The following CCBE1 variants were observed in gnomAD, a reference collection of about 807,000 sequenced individuals.
The protein encoded by CCBE1 is collagen and calcium binding EGF domains 1.
Under a neutral mutation model 50.0 loss-of-function variants are expected in CCBE1, and 37 were observed. That is an observed-to-expected ratio of 0.74 (90% CI 0.57 to 0.97). CCBE1 has a LOEUF of 0.97. Ranked by LOEUF, CCBE1 falls within the 50% of genes least tolerant of loss-of-function variation. The probability of loss-of-function intolerance (pLI) is 0.00; values close to 1 mark genes in which losing one functional copy is unlikely to be tolerated. For missense variants in CCBE1, 538 were observed against 523.8 expected (o/e 1.03, Z -0.26); for synonymous variants, 234 against 203.7 (o/e 1.15, Z -1.27).
At chr18:59,584,192 C>T (rs2053139276) in intron 2 of CCBE1, among the ~76,000 whole-genome samples, 1 of 152,034 alleles carries the variant, frequency 6.6e-6, no homozygotes, top group Non-Finnish European at 1.5e-5. Flanking sequence ...GAGTTCATGT[C>T]CTTTGTAGGG....
chr18:59,498,358 C>T (rs563138550), intron 2 of CCBE1, among the ~76,000 whole-genome samples: 11 of 152,096 alleles, frequency 7.2e-5, no homozygotes, highest in South Asian at 2.1e-4. Context: ...TCAGAGTTTC[C>T]GTGAGTGTGT....
At chr18:59,571,728 TATA>T (rs1184499797) in intron 2 of CCBE1, among the ~76,000 whole-genome samples, 2 of 152,218 alleles carry the variant, frequency 1.3e-5, no homozygotes, top group South Asian at 2.1e-4. Context: ...ATGGAGGGCT[TATA>T]ATGAGGTTGA....
chr18:59,466,614 C>T (rs969397765), intron 5 of CCBE1, 125 bp downstream of exon 5: 1 of 439,684 alleles, frequency 2.3e-6, no homozygotes, highest in Non-Finnish European at 3.4e-6. Context: ...AGCATAATTA[C>T]ATAAATATAT....
At chr18:59,524,761 G>T (rs994755929) in intron 2 of CCBE1, among the ~76,000 whole-genome samples, 22 of 132,224 alleles carry the variant, frequency 1.7e-4, no homozygotes, top group Admixed American at 2.2e-4. Context: ...CACACCCCTC[G>T]ATAGGCCCCA....
At chr18:59,645,769 C>T (rs1180562292) in intron 2 of CCBE1, among the ~76,000 whole-genome samples, 14 of 152,192 alleles carry the variant, frequency 9.2e-5, no homozygotes, top group African/African-American at 2.4e-4. Flanking sequence ...CGGTGGCTCA[C>T]GCCTATAATC....
chr18:59,505,796 G>T (rs939145719), intron 2 of CCBE1, among the ~76,000 whole-genome samples: 7 of 152,222 alleles, frequency 4.6e-5, no homozygotes, highest in Admixed American at 2.0e-4. Context: ...ATAAGTTCAT[G>T]CTTACACAGG....
chr18:59,454,270 G>A (rs1286308062), intron 6 of CCBE1, among the ~76,000 whole-genome samples: 1 of 152,106 alleles, frequency 6.6e-6, no homozygotes, highest in East Asian at 1.9e-4. Flanking sequence ...TTGAGTTGGA[G>A]TTTCACTCTT....
chr18:59,686,013 A>C (rs2054648972), intron 2 of CCBE1: 1 of 152,202 alleles, frequency 6.6e-6, no homozygotes, highest in African/African-American at 2.4e-5. Flanking sequence ...TGCAGAAATG[A>C]AAGTTACATG....
At chr18:59,618,078 G>A (rs2053660374) in intron 2 of CCBE1, among the ~76,000 whole-genome samples, 1 of 152,172 alleles carries the variant, frequency 6.6e-6, no homozygotes, top group Non-Finnish European at 1.5e-5. Flanking sequence ...ACTTGATTAT[G>A]TATGAGGTAT....
chr18:59,458,167 TCCATCCATCCTTCCATCCATCTTC>T (rs1339285785), intron 5 of CCBE1, among the ~76,000 whole-genome samples: 1 of 152,080 alleles, frequency 6.6e-6, no homozygotes, highest in East Asian at 1.9e-4. Context: ...CATCCAACCA[TCCATCCATCCTTCCATCCATCTTC>T]CCATCCATTC....
chr18:59,506,859 T>C (rs1913898553), intron 2 of CCBE1, among the ~76,000 whole-genome samples: 1 of 152,236 alleles, frequency 6.6e-6, no homozygotes, highest in South Asian at 2.1e-4. Flanking sequence ...AACCTAAATT[T>C]TTGCTTCCCA....
At chr18:59,515,605 TAATTA>T (rs1240350781) in intron 2 of CCBE1, among the ~76,000 whole-genome samples, 2 of 152,182 alleles carry the variant, frequency 1.3e-5, no homozygotes, top group Non-Finnish European at 2.9e-5. Context: ...TGATGAAAAT[TAATTA>T]AATAGTAAGA....
intron 2 of CCBE1, among the ~76,000 whole-genome samples, chr18:59,640,735 T>C (rs915708654): frequency 5.3e-5 from 8 of 152,162 alleles, no homozygotes; most frequent in Non-Finnish European, 7.4e-5. Context: ...CTACAAACTA[T>C]GTATCTGACA....
At chr18:59,488,951 G>A (rs1393310767) in intron 2 of CCBE1, among the ~76,000 whole-genome samples, 1 of 152,156 alleles carries the variant, frequency 6.6e-6, no homozygotes, top group African/African-American at 2.4e-5. Context: ...CCCTGCTATA[G>A]TCTAACTCCC....
At chr18:59,646,965 A>G (rs976427011) in intron 2 of CCBE1, among the ~76,000 whole-genome samples, 18 of 152,256 alleles carry the variant, frequency 1.2e-4, no homozygotes, top group African/African-American at 4.3e-4. Flanking sequence ...CACCAGCCTC[A>G]GTAAAACCAT....
At chr18:59,631,421 G>C (rs8098578) in intron 2 of CCBE1, among the ~76,000 whole-genome samples, 18 of 152,130 alleles carry the variant, frequency 1.2e-4, no homozygotes, top group Middle Eastern at 3.2e-3. Context: ...ACTTGCTACC[G>C]AGAGTGCCGA....
intron 2 of CCBE1, among the ~76,000 whole-genome samples, chr18:59,616,155 G>T (rs987207234): frequency 6.6e-6 from 1 of 152,210 alleles, no homozygotes; most frequent in Admixed American, 6.5e-5. Context: ...CAGAGCTGCA[G>T]AGTGCAGGGC....
chr18:59,694,094 T>A (rs1433438620), intron 2 of CCBE1, among the ~76,000 whole-genome samples: 1 of 151,984 alleles, frequency 6.6e-6, no homozygotes, highest in Non-Finnish European at 1.5e-5. Flanking sequence ...ATGGTCTCGA[T>A]CTCTTGACCT....
chr18:59,655,099 A>AAAT (rs1408966722), intron 2 of CCBE1, among the ~76,000 whole-genome samples: 14 of 151,638 alleles, frequency 9.2e-5, no homozygotes, highest in African/African-American at 3.1e-4. Flanking sequence ...AAAAAAAAAA[A>AAAT]AGCCCAGAGA....
Sources: allele counts gnomAD v4.1 joint callset (sites outside exome capture counted in the v4.1 genomes callset), GRCh38; gene constraint gnomAD v4.1.1; transcripts MANE v1.5; gene names NCBI Gene and HGNC (gene_info 2026-07-23, HGNC 2026-07-21).